The following TARDBP variants were observed in gnomAD, a reference collection of about 807,000 sequenced individuals.
The protein encoded by TARDBP is TAR DNA-binding protein 43.
TARDBP carries 4 observed loss-of-function variants against 38.3 expected under a neutral mutation model. The ratio of observed to expected loss-of-function variants is 0.10; its 90% CI spans 0.05 to 0.24. The LOEUF is 0.24. Among genes scored for constraint, TARDBP ranks in the 10% least tolerant of loss-of-function variants. TARDBP has a pLI of 1.00. For missense variants in TARDBP, 202 were observed against 521.9 expected (o/e 0.39, Z 5.97); for synonymous variants, 184 against 183.8 (o/e 1.00, Z -0.01).
chr1:11,023,000 A>C lies in TARDBP; in HGVS notation c.*346A>C. On this transcript the variant is annotated 3_prime_UTR_variant, in exon 6 of 6. Transcript: ENST00000240185. The surrounding 1 kb of genome is among the most constrained non-coding windows in gnomAD (Gnocchi z 4.5). ...GAATTCTTTGCATGTTCAAAACGGA[A>C]ACCATTGATTAGAACTACATTCTTT... 2.9e-6 allele frequency: 4 copies of C among 1,402,446 alleles called. No individual in the cohort carries two copies. The highest frequency in any genetic ancestry group is 3.7e-6 in the Non-Finnish European group (4 of 1,075,874). The allele number at this position is 1,402,446 out of a possible 1,614,324, so 86.9% of individuals were successfully genotyped here. A position where few individuals can be genotyped will look rare whatever the true frequency, so the allele number is the denominator to read the frequency against.
intron 4 of TARDBP, among the ~76,000 whole-genome samples, chr1:11,019,401 G>C (rs547124904): frequency 2.0e-5 from 3 of 152,250 alleles, no homozygotes; most frequent in African/African-American, 7.2e-5. Context: ...TGTTTTTACT[G>C]TACCCTTTCT....
At chr1:11,014,010 G>GGT (rs1357892415) in intron 2 of TARDBP, 45 bp downstream of exon 2, 79 of 1,580,654 alleles carry the variant, frequency 5.0e-5, no homozygotes, top group Non-Finnish European at 6.8e-5. Context: ...AGTGTGTTCA[G>GGT]GTGTGTGTCT....
chr1:11,026,895 CTAAT>C (rs1557663748), downstream of TARDBP: 31 of 1,479,712 alleles, frequency 2.1e-5, no homozygotes, highest in South Asian at 5.9e-5. Context: ...TTAAAAATCA[CTAAT>C]TATGTTCTCG....
rs1363771673 is a variant in TARDBP at position 11,023,794 on chromosome 1, T to C, written c.*1140T>C. On this transcript the variant is annotated 3_prime_UTR_variant, in exon 6 of 6. Coordinates refer to ENST00000240185, the MANE Select transcript of TARDBP (RefSeq NM_007375.4). ...GGTGTGTGTTCTCTTCTGTTACTGATATGTAAGTGTGGCAATGTGAACTGA... is the reference window on the plus strand; with the variant it reads ...GGTGTGTGTTCTCTTCTGTTACTGACATGTAAGTGTGGCAATGTGAACTGA... The C allele has an allele frequency of 6.5e-6, 1 of 153,602 alleles. No individual in the cohort carries two copies. The highest frequency in any genetic ancestry group is 1.5e-5 in the Non-Finnish European group (1 of 68,726). The allele number at this position is 153,602 out of a possible 1,614,324, so 9.5% of individuals were successfully genotyped here.
chr1:11,027,501 G>GCAAAACC, downstream of TARDBP: 1 of 1,614,174 alleles, frequency 6.2e-7, no homozygotes, highest in Non-Finnish European at 8.5e-7. Context: ...GACGGCATGA[G>GCAAAACC]CAGCTGTTAG....
chr1:11,026,721 G>A (rs1570730939), downstream of TARDBP: 3 of 497,622 alleles, frequency 6.0e-6, no homozygotes, highest in East Asian at 1.0e-4. Context: ...GAATTAAACT[G>A]GCAAGTGGAG....
downstream of TARDBP, chr1:11,027,108 G>A (rs75093796): frequency 3.3e-5 from 53 of 1,609,362 alleles, no homozygotes; most frequent in East Asian, 1.1e-3. Context: ...CATGTTAGCA[G>A]TTACACTTCC....
chr1:11,028,689 CT>C (rs938980074), downstream of TARDBP, among the ~76,000 whole-genome samples: 1 of 136,490 alleles, frequency 7.3e-6, no homozygotes. Flanking sequence ...ATATTACTAT[CT>C]TTCTGGGTTT....
rs1339050099 is a variant in TARDBP at position 11,023,465 on chromosome 1, G to A, written c.*811G>A. ...GTGTGGGATTGATGGTGGTGCCGAG[G>A]CATGAAAGGCTAGTATGAGCGAGAA... On this transcript the variant is annotated 3_prime_UTR_variant, in exon 6 of 6. Coordinates refer to ENST00000240185, the MANE Select transcript of TARDBP (RefSeq NM_007375.4). 1.7e-6 allele frequency: 1 copy of A among 587,614 alleles called. No homozygotes were observed. The highest frequency in any genetic ancestry group is 3.1e-5 in the Admixed American group (1 of 31,864). The allele number at this position is 587,614 out of a possible 1,614,324, so 36.4% of individuals were successfully genotyped here. A position where few individuals can be genotyped will look rare whatever the true frequency, so the allele number is the denominator to read the frequency against.
downstream of TARDBP, chr1:11,027,092 A>G: frequency 6.2e-7 from 1 of 1,603,578 alleles, no homozygotes; most frequent in Non-Finnish European, 8.5e-7. Context: ...CTAAGCCAGC[A>G]CAAAGCATGT....
At chr1:11,013,325 C>T (rs1352617053) in intron 1 of TARDBP, among the ~76,000 whole-genome samples, 4 of 152,244 alleles carry the variant, frequency 2.6e-5, no homozygotes, top group African/African-American at 9.6e-5. Context: ...ACGCCCATGC[C>T]TCAGCCAGTT....
chr1:11,027,715 G>T, downstream of TARDBP: 2 of 1,496,438 alleles, frequency 1.3e-6, no homozygotes, highest in South Asian at 1.3e-5. Context: ...CTTAAATTAT[G>T]ACCGCCTTGA....
At chr1:11,015,112 A>C (rs1026053089) in intron 2 of TARDBP, among the ~76,000 whole-genome samples, 1 of 152,044 alleles carries the variant, frequency 6.6e-6, no homozygotes, top group Non-Finnish European at 1.5e-5. Flanking sequence ...CTCAAAAAAA[A>C]AAAAAATTGA....
chr1:11,023,545 G>C lies in TARDBP; in HGVS notation c.*891G>C. 1 of 436,138 alleles carries C rather than the reference G, an allele frequency of 2.3e-6. No homozygotes were observed. Among genetic ancestry groups the C allele is most frequent in the Admixed American group, 3.9e-5 (1 of 25,336 alleles). The allele number at this position is 436,138 out of a possible 1,614,324, so 27.0% of individuals were successfully genotyped here. Reference sequence around the variant, plus strand: ...GTGCATAATGGATATTTTTTAACTTGGCGAGATGTGTCTCTCAATCCTGTG... The same window carrying C: ...GTGCATAATGGATATTTTTTAACTTCGCGAGATGTGTCTCTCAATCCTGTG... On this transcript the variant is annotated 3_prime_UTR_variant, in exon 6 of 6. Coordinates refer to ENST00000240185, the MANE Select transcript of TARDBP (RefSeq NM_007375.4).
At position 11,020,494 on chromosome 1, in the gene TARDBP, T is replaced by C; in HGVS notation, c.609T>C (p.Thr203=). 6.2e-7 allele frequency: 1 copy of C among 1,614,142 alleles called. No individual in the cohort carries two copies. Among genetic ancestry groups the C allele is most frequent in the Non-Finnish European group, 8.5e-7 (1 of 1,180,012 alleles). ...TGGGGCGCTGTACAGAGGACATGAC[T>C]GAGGATGAGCTGCGGGAGTTCTTCT... ...VFVGRCTEDM[T]EDELREFFSQ... is the part of the protein sequence containing the mutation. Residue 203 remains threonine, a synonymous_variant, in exon 5 of 6, where the codon ACT becomes ACC. Transcript: ENST00000240185.
intron 2 of TARDBP, among the ~76,000 whole-genome samples, chr1:11,015,088 G>A (rs994205067): frequency 1.3e-5 from 2 of 151,064 alleles, no homozygotes; most frequent in African/African-American, 4.9e-5. Flanking sequence ...ACCTGTGACA[G>A]AGCAAGACTT....
chr1:11,016,765 A>T, intron 2 of TARDBP, 79 bp from the exon 3 acceptor site: 7 of 1,454,570 alleles, frequency 4.8e-6, no homozygotes, highest in Admixed American at 3.7e-5. Context: ...TTTGCTTCTC[A>T]TTTCTAGATG....
downstream of TARDBP, chr1:11,025,937 G>A (rs1643725000): frequency 6.5e-6 from 1 of 154,788 alleles, no homozygotes; most frequent in South Asian, 2.0e-4. Flanking sequence ...CTTAACTGTT[G>A]TGTGATGTGT....
In TARDBP at chr1:11,023,119, T is replaced by C. The variant is rs1643672906; in HGVS notation, c.*465T>C. 1.3e-6 allele frequency: 2 copies of C among 1,534,380 alleles called. No individual in the cohort carries two copies. Among genetic ancestry groups the C allele is most frequent in the Non-Finnish European group, 1.8e-6 (2 of 1,136,202 alleles). ...CATGGTGTCACAGTGTTTGGTTCTT[T>C]TGTTTTGTTTTTTAACACTTGTCTC... On this transcript the variant is annotated 3_prime_UTR_variant, in exon 6 of 6. Transcript: ENST00000240185.
Sources: allele counts gnomAD v4.1 joint callset (sites outside exome capture counted in the v4.1 genomes callset), GRCh38; gene constraint gnomAD v4.1.1; non-coding constraint Gnocchi (gnomAD v3.1); transcripts MANE v1.5; gene names NCBI Gene and HGNC (gene_info 2026-07-23, HGNC 2026-07-21).